SPOCD1: variants seen among roughly 807,000 people sequenced by gnomAD.
SPOCD1 encodes SPOC domain containing 1.
Under a neutral mutation model 92.2 loss-of-function variants are expected in SPOCD1, and 64 were observed. The ratio of observed to expected loss-of-function variants is 0.69; its 90% CI spans 0.57 to 0.86. The LOEUF is 0.86. Ranked by LOEUF, SPOCD1 falls within the 40% of genes least tolerant of loss-of-function variation. The pLI is 0.00. For missense variants in SPOCD1, 1,360 were observed against 1,543.1 expected, an observed-to-expected ratio of 0.88 and a Z score of 1.99; for synonymous variants, 578 against 619.3, an observed-to-expected ratio of 0.93 and a Z score of 0.99.
rs775808597 is a variant in SPOCD1 at position 31,814,758 on chromosome 1, C to A, written c.576G>T (p.Arg192Ser). The A allele has an allele frequency of 1.2e-6, 2 of 1,613,626 alleles. No individual in the cohort carries two copies. The change falls in exon 2 of 16, where the codon AGG becomes AGT. Residue 192 changes from arginine to serine, a missense_variant. Arg to Ser is a moderately radical substitution (Grantham distance 110). Coordinates refer to ENST00000360482, the MANE Select transcript of SPOCD1 (RefSeq NM_144569.7). The surrounding 1 kb of genome is among the most constrained non-coding windows in gnomAD (Gnocchi z 4.2). ...CTGGGTCTGGTGAGGATGTCAGGGG[C>A]CTTCCAGGGGGCTCCTCTTTGCTGA... ...PTLSKEEPPG[R>S]PLTSSPDPVP...
At position 31,814,558 on chromosome 1, in the gene SPOCD1, G is replaced by C. The variant is rs1649423031; in HGVS notation, c.776C>G (p.Pro259Arg). The C allele has an allele frequency of 6.5e-7, 1 of 1,527,596 alleles. No individual in the cohort carries two copies. The highest frequency in any genetic ancestry group is 1.3e-5 in the South Asian group (1 of 76,242). 94.6% of individuals were successfully genotyped at this position (1,527,596 alleles called of 1,614,324 possible). ...CCCAGACCCAGTGTCTTTTGGAGAG[G>C]GAGGTCTGCAAGGGCCTCCCAAGGA... ...LESLGGPCRPPSPKDTGSGPG... is the reference protein window; with the variant it reads ...LESLGGPCRPRSPKDTGSGPG... Residue 259 changes from proline (P) to arginine (R), a missense_variant, in exon 2 of 16, where the codon CCC becomes CGC. Around this residue, in one of 3 missense-constraint regions of SPOCD1, gnomAD observed 606 missense variants for 601.5 expected, o/e 1.01. Transcript: ENST00000360482. This position sits in a 1 kb window ranked among gnomAD's most constrained non-coding sequence, Gnocchi z 4.2.
At chr1:31,794,487 T>C (rs1647857256) in intron 10 of SPOCD1, 2 of 259,058 alleles carry the variant, frequency 7.7e-6, no homozygotes, top group Non-Finnish European at 1.4e-5. Context: ...AATCTTTTTC[T>C]TTTTTTTTCT....
chr1:31,805,013 G>A (rs1354839041), intron 2 of SPOCD1, among the ~76,000 whole-genome samples: 9 of 86,108 alleles, frequency 1.0e-4, no homozygotes, highest in Admixed American at 6.4e-4. Flanking sequence ...ATGGAGTCTC[G>A]CTCTGTCACC....
In SPOCD1 at chr1:31,804,124, A is replaced by C. The variant is rs142056434; in HGVS notation, c.1384-2419T>G. Among the ~76,000 whole-genome samples, 92 of 152,332 alleles carry C rather than the reference A, an allele frequency of 6.0e-4. 2 individuals carry two copies. The highest frequency in any genetic ancestry group is 2.1e-3 in the African/African-American group (88 of 41,566). ...GATCCTTACACGCATAAAGAGAAAAAATAATAGCTAACACTTGACTAGCAC... is the reference window on the plus strand; with the variant it reads ...GATCCTTACACGCATAAAGAGAAAACATAATAGCTAACACTTGACTAGCAC... On this transcript the variant is annotated intron_variant, in intron 2 of 15. Coordinates refer to ENST00000360482, the MANE Select transcript of SPOCD1 (RefSeq NM_144569.7).
chr1:31,798,547 A>G lies in SPOCD1; in HGVS notation c.1923T>C (p.Ala641=). Residue 641 remains alanine, a synonymous_variant, in exon 8 of 16, where the codon GCT becomes GCC. Transcript: ENST00000360482. The surrounding 1 kb of genome is among the most constrained non-coding windows in gnomAD (Gnocchi z 4.1). ...VLSEEVVEGI[A]AGIEAALWDL... is the part of the protein sequence containing the mutation. ...CCCAGAGGGCTGCCTCAATGCCAGC[A>G]GCAATGCCCTCCACCACCTCCTCAC... 1 of 1,613,812 alleles carries G rather than the reference A, an allele frequency of 6.2e-7. No homozygotes were observed. Among genetic ancestry groups the G allele is most frequent in the Non-Finnish European group, 8.5e-7 (1 of 1,180,004 alleles).
At chr1:31,807,509 AATG>A (rs1470004802) in intron 2 of SPOCD1, among the ~76,000 whole-genome samples, 5 of 149,192 alleles carry the variant, frequency 3.4e-5, no homozygotes, top group Admixed American at 6.7e-5. Context: ...ATTGAGATTG[AATG>A]ATAAGACTGT....
At chr1:31,792,555 G>A in intron 14 of SPOCD1, 123 bp downstream of exon 14, 1 of 1,127,878 alleles carries the variant, frequency 8.9e-7, no homozygotes. Flanking sequence ...GTCACACAGT[G>A]AGTCTGCAGT....
In SPOCD1 at chr1:31,796,247, G is replaced by T. The variant is rs1387914238; in HGVS notation, c.2271+343C>A. On this transcript the variant is annotated intron_variant, in intron 10 of 15. Transcript: ENST00000360482. ...GTTCCTTCCATCTGAAAAAGTCACTGCCTGGAACAGCGCAGCCTGCTGCTT... is the reference window on the plus strand; with the variant it reads ...GTTCCTTCCATCTGAAAAAGTCACTTCCTGGAACAGCGCAGCCTGCTGCTT... The T allele has an allele frequency of 8.9e-5, 35 of 393,734 alleles. 1 individual carries two copies. In the Admixed American group the frequency reaches 1.3e-3, roughly 14 times the overall value. 24.4% of individuals were successfully genotyped at this position (393,734 alleles called of 1,614,324 possible). A position where few individuals can be genotyped will look rare whatever the true frequency, so the allele number is the denominator to read the frequency against.
intron 2 of SPOCD1, among the ~76,000 whole-genome samples, chr1:31,805,493 AG>A (rs1397564435): frequency 6.6e-6 from 1 of 152,148 alleles, no homozygotes; most frequent in Admixed American, 6.5e-5. Flanking sequence ...TGGGAAGCTG[AG>A]GTGTGAGGAT....
rs751875735 is a variant in SPOCD1, at chr1:31,792,308, C to T, written c.2869G>A (p.Gly957Arg). 1.9e-6 allele frequency: 3 copies of T among 1,613,916 alleles called. No homozygotes were observed. Among genetic ancestry groups the T allele is most frequent in the Non-Finnish European group, 2.5e-6 (3 of 1,179,988 alleles). The change falls in exon 15 of 16, where the codon GGG becomes AGG. Residue 957 changes from glycine to arginine, a missense_variant. By Grantham distance (125) the Gly-to-Arg change is moderately radical (BLOSUM62 -2). This residue lies in a region of SPOCD1 where 614 missense variants were observed against 757.8 expected (regional missense o/e 0.81). Coordinates refer to ENST00000360482, the MANE Select transcript of SPOCD1 (RefSeq NM_144569.7). ...YSYLNDRQRH[G>R]LASVEHMGMV... Reference sequence around the variant, plus strand: ...CCCATGTGCTCCACAGAGGCCAGCCCGTGGCGCTGCCTATCATTGAGGTAT... The same window carrying T: ...CCCATGTGCTCCACAGAGGCCAGCCTGTGGCGCTGCCTATCATTGAGGTAT...
At chr1:31,808,920 G>T (rs970190743) in intron 2 of SPOCD1, among the ~76,000 whole-genome samples, 2 of 152,030 alleles carry the variant, frequency 1.3e-5, no homozygotes, top group African/African-American at 4.8e-5. Context: ...AACAGGCCAG[G>T]CCTGGTGGCT....
Position 31,791,217 on chromosome 1 carries a change from C to A in SPOCD1, c.3037G>T (p.Val1013Leu). ...GGAAGCCCTTCCTTGGGGAGCAGCA[C>A]AGCCAGCAACAGACTTGAGTGAGTG... is the stretch of plus-strand genomic sequence containing the variant. ...EVTHSSLLLA[V>L]LLPKEGLPDT... is the part of the protein sequence containing the mutation. Residue 1013 changes from valine to leucine, a missense_variant, in exon 16 of 16, where the codon GTG (valine) becomes TTG (leucine). Physicochemically the swap from Val to Leu is conservative, Grantham distance 32. Transcript: ENST00000360482. 6.2e-7 allele frequency: 1 copy of A among 1,602,466 alleles called. No homozygotes were observed. Among genetic ancestry groups the A allele is most frequent in the Non-Finnish European group, 8.5e-7 (1 of 1,173,480 alleles).
chr1:31,793,975 T>C (rs1647809840), intron 11 of SPOCD1, 78 bp from the exon 12 acceptor site: 1 of 1,550,832 alleles, frequency 6.4e-7, no homozygotes, highest in African/African-American at 1.4e-5. Flanking sequence ...GAGCCAGGGT[T>C]GAACCAGGTT....
At position 31,790,508 on chromosome 1, in the gene SPOCD1, G is replaced by T; in HGVS notation, c.*95C>A. 1 of 1,160,198 alleles carries T rather than the reference G, an allele frequency of 8.6e-7. No homozygotes were observed. Among genetic ancestry groups the T allele is most frequent in the Non-Finnish European group, 1.2e-6 (1 of 822,588 alleles). 71.9% of individuals were successfully genotyped at this position (1,160,198 alleles called of 1,614,324 possible). Reference sequence around the variant, plus strand: ...AGTTCAAACAGGGCAGGTGGGTAGGGCTGACCATCCTCTCCTTGCAGTCCC... The same window carrying T: ...AGTTCAAACAGGGCAGGTGGGTAGGTCTGACCATCCTCTCCTTGCAGTCCC... On this transcript the variant is annotated 3_prime_UTR_variant, in exon 16 of 16. Transcript: ENST00000360482.
At chr1:31,792,629 G>A (rs1647681460) in intron 14 of SPOCD1, 49 bp downstream of exon 14, 2 of 1,431,582 alleles carry the variant, frequency 1.4e-6, no homozygotes, top group African/African-American at 1.4e-5. Context: ...AGAGGGAGGT[G>A]GGAGTAAGGT....
intron 1 of SPOCD1, 151 bp downstream of exon 1, chr1:31,815,810 A>G (rs2124003911): frequency 6.5e-6 from 1 of 154,290 alleles, no homozygotes; most frequent in African/African-American, 2.4e-5. Context: ...CGCAAGGAGC[A>G]GATACTGAAC....
intron 10 of SPOCD1, chr1:31,796,189 C>T: frequency 3.1e-6 from 1 of 327,174 alleles, no homozygotes; most frequent in South Asian, 2.5e-5. Flanking sequence ...CTGGAGCATC[C>T]CTAAACCAAT....
At chr1:31,802,060 C>T (rs528756228) in intron 2 of SPOCD1, among the ~76,000 whole-genome samples, 4 of 152,074 alleles carry the variant, frequency 2.6e-5, no homozygotes, top group South Asian at 2.1e-4. Context: ...CCCAGCTACT[C>T]GGGAGGCTGA....
At chr1:31,793,482 C>T in intron 12 of SPOCD1, 54 bp from the exon 13 acceptor site, 1 of 1,546,008 alleles carries the variant, frequency 6.5e-7, no homozygotes, top group Middle Eastern at 1.7e-4. Context: ...GAGGACTTCC[C>T]CGGCACCTCC....
Sources: gnomAD v4.1 joint callset for allele counts (sites outside exome capture counted in the v4.1 genomes callset) on GRCh38, gnomAD v4.1.1 for gene constraint, gnomAD v4.1.1 regional missense constraint, Gnocchi (gnomAD v3.1) non-coding constraint, MANE v1.5 for transcripts, NCBI Gene and HGNC (gene_info 2026-07-23, HGNC 2026-07-21) for gene names.